The following NBAS variants were observed in gnomAD, a reference collection of about 807,000 sequenced individuals.
NBAS encodes NBAS subunit of NRZ tethering complex.
In NBAS, 219 loss-of-function variants were observed where a neutral mutation model predicts 302.5. The ratio of observed to expected loss-of-function variants is 0.72; its 90% CI spans 0.65 to 0.81. The LOEUF (loss-of-function observed/expected upper bound fraction) is 0.81, where lower values mean the gene tolerates loss of function less well. Among genes scored for constraint, NBAS ranks in the 30% least tolerant of loss-of-function variants. NBAS has a pLI of 0.00. For synonymous variants in NBAS, 1,118 were observed against 1,021.6 expected (o/e 1.09, Z -1.80); for missense variants, 2,932 against 2,841.6 (o/e 1.03, Z -0.72).
At chr2:14,978,401 T>C in the NBAS span, among the ~76,000 whole-genome samples, 1 of 152,218 alleles carries the variant, frequency 6.6e-6, no homozygotes, top group Non-Finnish European at 1.5e-5. Context: ...TCCTGCCTAG[T>C]GAAGCTTAGA....
chr2:14,790,709 C>T, the NBAS span, among the ~76,000 whole-genome samples: 27 of 143,164 alleles, frequency 1.9e-4, no homozygotes, highest in South Asian at 4.4e-3. Flanking sequence ...TGGAGTGCAA[C>T]GGTGCGATCT....
At chr2:15,560,754 T>G (rs954096690) in intron 1 of NBAS, among the ~76,000 whole-genome samples, 2 of 152,120 alleles carry the variant, frequency 1.3e-5, no homozygotes, top group African/African-American at 4.8e-5. Context: ...CCCATCGCAG[T>G]TGAGCGTCGG....
At chr2:15,186,982 C>G (rs1286075263) in intron 49 of NBAS, 102 bp from the exon 50 acceptor site, 4 of 1,516,222 alleles carry the variant, frequency 2.6e-6, no homozygotes, top group African/African-American at 1.4e-5. Context: ...AAATTACAAT[C>G]AGAATCTAGG....
At chr2:15,447,028 T>C (rs1008741182) in intron 21 of NBAS, among the ~76,000 whole-genome samples, 3 of 150,596 alleles carry the variant, frequency 2.0e-5, no homozygotes. Context: ...CAAACAAATA[T>C]CAAAACAAAT....
At chr2:15,384,852 A>G (rs1675211657) in intron 28 of NBAS, among the ~76,000 whole-genome samples, 1 of 152,082 alleles carries the variant, frequency 6.6e-6, no homozygotes, top group Non-Finnish European at 1.5e-5. Context: ...GCATCTTTTT[A>G]TTTTTTATCT....
intron 35 of NBAS, 22 bp from the exon 36 acceptor site, chr2:15,330,787 G>A: frequency 6.2e-7 from 1 of 1,611,840 alleles, no homozygotes; most frequent in Non-Finnish European, 8.5e-7. Context: ...AAACAAAATA[G>A]CAAGGGCAAA....
chr2:15,107,413 T>C, the NBAS span, among the ~76,000 whole-genome samples: 2 of 152,036 alleles, frequency 1.3e-5, no homozygotes, highest in Non-Finnish European at 2.9e-5. Flanking sequence ...GCCCAGTCTG[T>C]GGTATTTTTG....
the NBAS span, among the ~76,000 whole-genome samples, chr2:14,951,905 C>T: frequency 7.4e-3 from 1,131 of 152,278 alleles, 16 homozygotes; most frequent in African/African-American, 0.026. Flanking sequence ...TTCTACAACC[C>T]GGCTGTCTTC....
chr2:15,202,684 CA>C (rs1285293057), intron 48 of NBAS, among the ~76,000 whole-genome samples: 1 of 152,108 alleles, frequency 6.6e-6, no homozygotes, highest in Non-Finnish European at 1.5e-5. Flanking sequence ...GGATTACAGG[CA>C]CCTGTTACCA....
the NBAS span, among the ~76,000 whole-genome samples, chr2:15,061,768 C>T: frequency 1.3e-5 from 2 of 152,224 alleles, no homozygotes; most frequent in Non-Finnish European, 2.9e-5. Flanking sequence ...TCAGTGTGTT[C>T]ATGGGAACCA....
chr2:15,372,215 A>G lies in NBAS; in HGVS notation c.3703+2393T>C, dbSNP rs1328338507. Among the ~76,000 whole-genome samples, 3 of 152,218 alleles carry G rather than the reference A, an allele frequency of 2.0e-5. No individual in the cohort carries two copies. In the East Asian group the frequency reaches 5.8e-4, roughly 29 times the overall value. On this transcript the variant is annotated intron_variant, in intron 31 of 51. Coordinates refer to ENST00000281513, the MANE Select transcript of NBAS (RefSeq NM_015909.4). ...ATATTCAAAGGCTGTTCATTTAAAT[A>G]TTAAGAAAAATTTACATAAACACCC...
chr2:15,135,890 C>T, the NBAS span, among the ~76,000 whole-genome samples: 1 of 147,006 alleles, frequency 6.8e-6, no homozygotes, highest in Non-Finnish European at 1.5e-5. Context: ...AAAAAAATCA[C>T]ACACAGAAAA....
At chr2:15,301,234 T>G (rs141832773) in intron 40 of NBAS, among the ~76,000 whole-genome samples, 1 of 152,316 alleles carries the variant, frequency 6.6e-6, no homozygotes, top group East Asian at 1.9e-4. Context: ...AATCAGGGGC[T>G]TTACATGACA....
At chr2:14,937,490 G>A in the NBAS span, among the ~76,000 whole-genome samples, 2 of 152,170 alleles carry the variant, frequency 1.3e-5, no homozygotes, top group East Asian at 1.9e-4. Context: ...TCACCTGCAT[G>A]TGTCCTACTT....
the NBAS span, among the ~76,000 whole-genome samples, chr2:14,962,603 C>T: frequency 1.8e-4 from 27 of 152,144 alleles, no homozygotes; most frequent in African/African-American, 6.5e-4. Flanking sequence ...AAAAGCTTAT[C>T]TCCCATCCCT....
the NBAS span, among the ~76,000 whole-genome samples, chr2:14,909,932 T>G: frequency 6.6e-6 from 1 of 152,332 alleles, no homozygotes; most frequent in East Asian, 1.9e-4. Context: ...ATTGATGCTC[T>G]TGGGCTCTGT....
At chr2:14,899,141 A>G in the NBAS span, among the ~76,000 whole-genome samples, 1 of 152,184 alleles carries the variant, frequency 6.6e-6, no homozygotes, top group African/African-American at 2.4e-5. Context: ...GGAAGGAAGC[A>G]GAAGCTTCCA....
intron 9 of NBAS, among the ~76,000 whole-genome samples, chr2:15,532,115 T>A (rs2148676432): frequency 6.6e-6 from 1 of 152,296 alleles, no homozygotes; most frequent in South Asian, 2.1e-4. Context: ...AATCATGAAA[T>A]ATGGAAAATC....
chr2:14,832,388 A>G, the NBAS span, among the ~76,000 whole-genome samples: 1 of 152,218 alleles, frequency 6.6e-6, no homozygotes, highest in African/African-American at 2.4e-5. Context: ...AATGGGAAGA[A>G]GTAGAAGGTG....
Sources: gnomAD v4.1 joint callset for allele counts (sites outside exome capture counted in the v4.1 genomes callset) on GRCh38, gnomAD v4.1.1 for gene constraint, MANE v1.5 for transcripts, NCBI Gene and HGNC (gene_info 2026-07-23, HGNC 2026-07-21) for gene names.